The following THSD7A variants were observed in gnomAD, a reference collection of about 807,000 sequenced individuals.
THSD7A encodes the protein thrombospondin type-1 domain-containing protein 7A.
THSD7A carries 96 observed loss-of-function variants against 231.3 expected under a neutral mutation model. The observed-to-expected ratio is 0.41, with a 90% CI of 0.35 to 0.49. THSD7A has a LOEUF of 0.49. Ranked by LOEUF, THSD7A falls within the 20% of genes least tolerant of loss-of-function variation. The probability of loss-of-function intolerance (pLI) is 0.05; values close to 1 mark genes in which losing one functional copy is unlikely to be tolerated. For synonymous variants in THSD7A, 940 were observed against 743.3 expected (o/e 1.26, Z -4.30); for missense variants, 2,290 against 2,070.2 (o/e 1.11, Z -2.06).
chr7:11,528,036 G>C (rs573882442), intron 6 of THSD7A, among the ~76,000 whole-genome samples: 4 of 152,134 alleles, frequency 2.6e-5, no homozygotes, highest in South Asian at 4.2e-4. Context: ...GCCTAGTGGT[G>C]CACACCTGTT....
chr7:11,586,684 G>T (rs62434527), intron 4 of THSD7A, among the ~76,000 whole-genome samples: 2 of 152,094 alleles, frequency 1.3e-5, no homozygotes, highest in Non-Finnish European at 2.9e-5. Context: ...ACAAAATATA[G>T]TGATAAATAA....
intron 4 of THSD7A, among the ~76,000 whole-genome samples, chr7:11,555,235 A>T (rs948074071): frequency 2.0e-5 from 3 of 151,842 alleles, no homozygotes; most frequent in Admixed American, 2.0e-4. Context: ...ATTTGGTGTT[A>T]CAAATGTCTA....
In THSD7A at chr7:11,783,632, G is replaced by T. The variant is rs141908389; in HGVS notation, c.190+48125C>A. Among the ~76,000 whole-genome samples, 21 of 152,220 alleles carry T rather than the reference G, an allele frequency of 1.4e-4. 1 individual carries two copies. In the East Asian group the frequency reaches 4.1e-3, roughly 29 times the overall value. The stretch of plus-strand genomic sequence containing the variant: ...ATAGGCAGGCAAAACCTTCTTCAGT[G>T]GCCAGAAAAGGCACTCAGGTAAATA... On this transcript the variant is annotated intron_variant, in intron 1 of 27. Transcript: ENST00000423059.
At chr7:11,737,416 G>A (rs931444181) in intron 1 of THSD7A, among the ~76,000 whole-genome samples, 2 of 152,032 alleles carry the variant, frequency 1.3e-5, no homozygotes, top group African/African-American at 2.4e-5. Context: ...AATGGATGGA[G>A]TAAGGAAGAA....
chr7:11,777,815 TCACA>T (rs1002696367), intron 1 of THSD7A, among the ~76,000 whole-genome samples: 12 of 152,056 alleles, frequency 7.9e-5, no homozygotes, highest in Admixed American at 6.5e-4. Flanking sequence ...CCTGAATGTA[TCACA>T]CCATGGAGGC....
intron 1 of THSD7A, among the ~76,000 whole-genome samples, chr7:11,766,736 C>T (rs1167143104): frequency 6.6e-6 from 1 of 152,016 alleles, no homozygotes. Flanking sequence ...GATTAAATGC[C>T]ATTGAGAACA....
chr7:11,543,726 A>T (rs1789250352), intron 4 of THSD7A, among the ~76,000 whole-genome samples: 1 of 152,238 alleles, frequency 6.6e-6, no homozygotes, highest in South Asian at 2.1e-4. Flanking sequence ...CAAATCTAGT[A>T]ATCACTAAGG....
chr7:11,573,914 A>G (rs1390248876), intron 4 of THSD7A, among the ~76,000 whole-genome samples: 2 of 152,246 alleles, frequency 1.3e-5, no homozygotes, highest in Non-Finnish European at 2.9e-5. Context: ...TAGGAAATTT[A>G]TATGAACACA....
intron 4 of THSD7A, among the ~76,000 whole-genome samples, chr7:11,548,955 T>C (rs1243161873): frequency 6.6e-6 from 1 of 151,686 alleles, no homozygotes; most frequent in Middle Eastern, 3.2e-3. Context: ...AATACCCACT[T>C]GAGTGAACAG....
chr7:11,527,683 G>A (rs2128318314), intron 6 of THSD7A, among the ~76,000 whole-genome samples: 2 of 152,250 alleles, frequency 1.3e-5, no homozygotes, highest in South Asian at 4.1e-4. Flanking sequence ...GAAAAATGTA[G>A]AATAAATAGT....
At chr7:11,547,324 G>C (rs1433936580) in intron 4 of THSD7A, among the ~76,000 whole-genome samples, 2 of 152,030 alleles carry the variant, frequency 1.3e-5, no homozygotes, top group Non-Finnish European at 2.9e-5. Context: ...ATATAAATAG[G>C]CTAAACACTC....
At chr7:11,666,208 A>G (rs1186509356) in intron 1 of THSD7A, among the ~76,000 whole-genome samples, 1 of 151,994 alleles carries the variant, frequency 6.6e-6, no homozygotes, top group African/African-American at 2.4e-5. Context: ...AACTTCAGAT[A>G]TTGTTGGATT....
At chr7:11,635,801 T>G (rs1160671626) in intron 2 of THSD7A, among the ~76,000 whole-genome samples, 1 of 152,188 alleles carries the variant, frequency 6.6e-6, no homozygotes, top group Non-Finnish European at 1.5e-5. Context: ...TCCCAATATT[T>G]CAGCCCCTAA....
intron 9 of THSD7A, among the ~76,000 whole-genome samples, chr7:11,466,220 A>C (rs1785698822): frequency 1.3e-5 from 2 of 152,060 alleles, no homozygotes; most frequent in African/African-American, 2.4e-5. Flanking sequence ...AAAAAGAACC[A>C]CCCCAACTTT....
chr7:11,447,759 C>G (rs542543530), intron 11 of THSD7A, among the ~76,000 whole-genome samples: 2 of 152,196 alleles, frequency 1.3e-5, no homozygotes, highest in East Asian at 1.9e-4. Context: ...GAATGTAAGA[C>G]AAACCATACG....
chr7:11,822,611 T>C (rs974173625), intron 1 of THSD7A, among the ~76,000 whole-genome samples: 1 of 152,102 alleles, frequency 6.6e-6, no homozygotes, highest in Admixed American at 6.5e-5. Flanking sequence ...TTTAGCTCTT[T>C]GAGAAATTTC....
At chr7:11,742,649 G>C (rs1782152331) in intron 1 of THSD7A, among the ~76,000 whole-genome samples, 1 of 151,850 alleles carries the variant, frequency 6.6e-6, no homozygotes, top group Admixed American at 6.6e-5. Context: ...GAAAACCTTT[G>C]TGCATGTCAC....
At chr7:11,773,833 G>A (rs547489699) in intron 1 of THSD7A, among the ~76,000 whole-genome samples, 4 of 151,936 alleles carry the variant, frequency 2.6e-5, no homozygotes, top group Non-Finnish European at 5.9e-5. Context: ...TGCACATAAG[G>A]TGATTAATAA....
At chr7:11,588,705 C>CT (rs1780022330) in intron 4 of THSD7A, among the ~76,000 whole-genome samples, 3 of 152,254 alleles carry the variant, frequency 2.0e-5, no homozygotes, top group East Asian at 3.9e-4. Context: ...ACCTACAGGA[C>CT]ATAATTGACA....
Sources: gnomAD v4.1 joint callset for allele counts (sites outside exome capture counted in the v4.1 genomes callset) on GRCh38, gnomAD v4.1.1 for gene constraint, MANE v1.5 for transcripts, NCBI Gene and HGNC (gene_info 2026-07-23, HGNC 2026-07-21) for gene names.